SLC2A14: variants seen among roughly 807,000 people sequenced by gnomAD.
SLC2A14 encodes the protein solute carrier family 2, facilitated glucose transporter member 14.
A neutral mutation model predicts 43.0 loss-of-function variants in SLC2A14; 13 were observed. The observed-to-expected ratio is 0.30, with a 90% CI of 0.20 to 0.48. The LOEUF (loss-of-function observed/expected upper bound fraction) is 0.48, where lower values mean the gene tolerates loss of function less well. Among genes scored for constraint, SLC2A14 ranks in the 20% least tolerant of loss-of-function variants. The pLI, the probability that SLC2A14 is intolerant of heterozygous loss-of-function variation, is 0.99. For synonymous variants in SLC2A14, 190 were observed against 233.8 expected (o/e 0.81, Z 1.71); for missense variants, 428 against 620.4 (o/e 0.69, Z 3.29).
intron 1 of SLC2A14, among the ~76,000 whole-genome samples, chr12:7,882,599 G>T (rs1037140308): frequency 2.0e-5 from 3 of 152,120 alleles, no homozygotes; most frequent in Admixed American, 6.6e-5. Context: ...CTGGGAGGCT[G>T]AGGCAGGCAC....
At chr12:7,871,272 G>A in intron 1 of SLC2A14, 1 of 1,187,802 alleles carries the variant, frequency 8.4e-7, no homozygotes, top group Non-Finnish European at 1.1e-6. Flanking sequence ...ATGAAGAAGT[G>A]GATGAGATGT....
At chr12:7,878,868 T>G (rs1471507904) in intron 1 of SLC2A14, among the ~76,000 whole-genome samples, 1 of 146,560 alleles carries the variant, frequency 6.8e-6, no homozygotes, top group Non-Finnish European at 1.5e-5. Flanking sequence ...TCCCAGCTAC[T>G]CAGGAGGCTG....
intron 7 of SLC2A14, among the ~76,000 whole-genome samples, chr12:7,824,755 T>C (rs10846000): frequency 0.61 from 89,479 of 147,742 alleles, 27,422 homozygotes; most frequent in African/African-American, 0.69. Flanking sequence ...AAGAATACAT[T>C]GTTTGCACAA....
chr12:7,847,633 C>T (rs1037660145), intron 2 of SLC2A14, among the ~76,000 whole-genome samples: 30 of 152,096 alleles, frequency 2.0e-4, no homozygotes, highest in African/African-American at 7.0e-4. Flanking sequence ...GGACTCAATC[C>T]AAAAGGTCAC....
chr12:7,826,876 TCTTTCTTTCTTTCTTTC>T (rs1864447070), intron 7 of SLC2A14, among the ~76,000 whole-genome samples: 1 of 60,826 alleles, frequency 1.6e-5, no homozygotes, highest in Non-Finnish European at 3.3e-5. Context: ...TTTCTTTCTT[TCTTTCTTTCTTTCTTTC>T]TTTCTTTCTT....
intron 2 of SLC2A14, among the ~76,000 whole-genome samples, chr12:7,865,638 C>A (rs1267519495): frequency 6.6e-6 from 1 of 152,118 alleles, no homozygotes; most frequent in East Asian, 1.9e-4. Flanking sequence ...CCCCATTTCT[C>A]TCTCCTTCTC....
At chr12:7,832,049 G>A (rs1223712440) in intron 3 of SLC2A14, among the ~76,000 whole-genome samples, 1 of 152,222 alleles carries the variant, frequency 6.6e-6, no homozygotes, top group Non-Finnish European at 1.5e-5. Context: ...CGGAGTTTGC[G>A]ATGAGCCGAG....
intron 2 of SLC2A14, among the ~76,000 whole-genome samples, chr12:7,865,931 CA>C (rs1592296107): frequency 6.6e-6 from 1 of 152,028 alleles, no homozygotes; most frequent in South Asian, 2.1e-4. Flanking sequence ...GAAAGTGTGA[CA>C]GGGGCCGGGC....
At chr12:7,845,506 G>A (rs974460810) in intron 2 of SLC2A14, among the ~76,000 whole-genome samples, 5 of 152,044 alleles carry the variant, frequency 3.3e-5, no homozygotes, top group South Asian at 2.1e-4. Context: ...AAGGCCAGGC[G>A]TGGTGGCTTA....
Position 7,815,476 on chromosome 12 carries a change from A to AT in SLC2A14, c.1276-943dup, listed in dbSNP as rs1000333904. ...TCCCATTTCAATCTTTTCTGCCGTCATTTTTTTTCTATGTATTGTTGAAAA... is the reference window on the plus strand; with the variant it reads ...TCCCATTTCAATCTTTTCTGCCGTCATTTTTTTTTCTATGTATTGTTGAAAA... On this transcript the variant is annotated intron_variant, in intron 10 of 10. Transcript: ENST00000431042. Among the ~76,000 whole-genome samples, 6 of 151,874 alleles carry AT rather than the reference A, an allele frequency of 4.0e-5. 1 individual carries two copies. Among genetic ancestry groups the AT allele is most frequent in the Admixed American group, 1.3e-4 (2 of 15,234 alleles).
intron 2 of SLC2A14, among the ~76,000 whole-genome samples, chr12:7,845,190 G>C (rs1172230379): frequency 6.6e-6 from 1 of 152,068 alleles, no homozygotes; most frequent in Admixed American, 6.6e-5. Flanking sequence ...TTTTAGCACT[G>C]AAAGTACCTG....
intron 1 of SLC2A14, among the ~76,000 whole-genome samples, chr12:7,881,655 G>A (rs1717007134): frequency 6.6e-6 from 1 of 152,220 alleles, no homozygotes; most frequent in Non-Finnish European, 1.5e-5. Flanking sequence ...GGGCTGAGGA[G>A]TGTGGGCGCA....
At chr12:7,856,016 T>C (rs1867342466) in intron 2 of SLC2A14, among the ~76,000 whole-genome samples, 1 of 152,110 alleles carries the variant, frequency 6.6e-6, no homozygotes, top group Non-Finnish European at 1.5e-5. Context: ...TAATTAGCCA[T>C]ATCATATTGT....
intron 2 of SLC2A14, chr12:7,863,435 G>C (rs746154622): frequency 2.2e-6 from 1 of 453,142 alleles, no homozygotes; most frequent in African/African-American, 2.0e-5. Context: ...CAGACACATG[G>C]CCACCATTGT....
At chr12:7,849,892 G>A (rs1866780560) in intron 2 of SLC2A14, among the ~76,000 whole-genome samples, 1 of 145,698 alleles carries the variant, frequency 6.9e-6, no homozygotes, top group Admixed American at 6.9e-5. Flanking sequence ...GTGACAGAGC[G>A]AGACTCCATC....
intron 2 of SLC2A14, among the ~76,000 whole-genome samples, chr12:7,869,254 G>C (rs1441475814): frequency 6.6e-6 from 1 of 152,098 alleles, no homozygotes; most frequent in South Asian, 2.1e-4. Flanking sequence ...CAAGATGCGG[G>C]TAAGTTCCCA....
upstream of SLC2A14, among the ~76,000 whole-genome samples, chr12:7,876,262 C>G (rs1464561788): frequency 9.6e-6 from 1 of 104,352 alleles, no homozygotes; most frequent in Non-Finnish European, 1.8e-5. Context: ...GCCTGGGTGA[C>G]AGAGCAAAAC....
At chr12:7,885,209 G>A (rs890749607) in intron 1 of SLC2A14, among the ~76,000 whole-genome samples, 2 of 152,110 alleles carry the variant, frequency 1.3e-5, no homozygotes, top group South Asian at 2.1e-4. Context: ...GGTGGCTCAC[G>A]CCTGTACAGC....
intron 1 of SLC2A14, among the ~76,000 whole-genome samples, chr12:7,881,902 C>G (rs1945581458): frequency 6.6e-6 from 1 of 152,140 alleles, no homozygotes; most frequent in Non-Finnish European, 1.5e-5. Context: ...TATCTAGCTA[C>G]TGTGATGGGG....
Sources: allele counts gnomAD v4.1 joint callset (sites outside exome capture counted in the v4.1 genomes callset), GRCh38; gene constraint gnomAD v4.1.1; transcripts MANE v1.5; gene names NCBI Gene and HGNC (gene_info 2026-07-23, HGNC 2026-07-21).